GLB1: variants seen among roughly 807,000 people sequenced by gnomAD.
GLB1 encodes galactosidase beta 1, also known as beta-galactosidase.
A neutral mutation model predicts 74.0 loss-of-function variants in GLB1; 56 were observed. That is an observed-to-expected ratio of 0.76 (90% CI 0.61 to 0.94). The LOEUF (loss-of-function observed/expected upper bound fraction) is 0.94, where lower values mean the gene tolerates loss of function less well. Ranked by LOEUF, GLB1 falls within the 40% of genes least tolerant of loss-of-function variation. The pLI is 0.00. For missense variants in GLB1, 787 were observed against 845.5 expected (o/e 0.93, Z 0.86); for synonymous variants, 323 against 323.6 (o/e 1.00, Z 0.02).
At chr3:33,067,820 T>C (rs973730996) in intron 4 of GLB1, among the ~76,000 whole-genome samples, 4 of 152,212 alleles carry the variant, frequency 2.6e-5, no homozygotes, top group African/African-American at 9.6e-5. Context: ...TTCAAAAGTA[T>C]TTGTGCAGAG....
At chr3:33,074,377 G>GAAAGAAAAAGA (rs1559412898) in intron 1 of GLB1, among the ~76,000 whole-genome samples, 1 of 8,192 alleles carries the variant, frequency 1.2e-4, no homozygotes, top group African/African-American at 2.1e-4. Context: ...AGGAAGGAAG[G>GAAAGAAAAAGA]AAGGAAGGAA....
At chr3:33,034,826 C>T in intron 10 of GLB1, 1 of 586,076 alleles carries the variant, frequency 1.7e-6, no homozygotes, top group Non-Finnish European at 3.4e-6. Flanking sequence ...CAGGCAGAGC[C>T]TCCCACCTGC....
At position 33,052,462 on chromosome 3, in the gene GLB1, T is replaced by A. The variant is rs895417168; in HGVS notation, c.793-458A>T. ...TCCTGGCCAACATGGTGAAACCCCA[T>A]CTCAACTAAAAATACAAACATTAGC... On this transcript the variant is annotated intron_variant, in intron 7 of 15. Transcript: ENST00000307363. 5.3e-5 allele frequency among the ~76,000 whole-genome samples: 8 copies of A among 152,068 alleles called. No homozygotes were observed. The South Asian group carries it at 1.7e-3, about 31-fold the overall frequency.
At chr3:33,096,612 CAACTGGGAAAGCGAGGGCGCCCCA>C (rs1267721712) in intron 1 of GLB1, 1 of 1,061,502 alleles carries the variant, frequency 9.4e-7, no homozygotes, top group African/African-American at 1.7e-5. Flanking sequence ...CGCAGAGCAC[CAACTGGGAAAGCGAGGGCGCCCCA>C]AACCAGAGCC....
intron 15 of GLB1, among the ~76,000 whole-genome samples, chr3:32,998,839 A>AC (rs1696428121): frequency 6.6e-6 from 1 of 152,076 alleles, no homozygotes; most frequent in South Asian, 2.1e-4. Context: ...TCTGCTGCTC[A>AC]CCCCAGGGCT....
chr3:33,080,887 G>T (rs1700298152), intron 1 of GLB1, among the ~76,000 whole-genome samples: 1 of 152,210 alleles, frequency 6.6e-6, no homozygotes, highest in African/African-American at 2.4e-5. Context: ...TCTGCACCTT[G>T]TTGTCTCATG....
At chr3:33,029,175 A>C (rs2125487362) in intron 10 of GLB1, among the ~76,000 whole-genome samples, 1 of 152,376 alleles carries the variant, frequency 6.6e-6, no homozygotes. Context: ...TCAGAAAAGA[A>C]ATGAACAAAT....
the GLB1 span, among the ~76,000 whole-genome samples, chr3:32,977,960 A>G: frequency 1.3e-5 from 2 of 152,114 alleles, no homozygotes; most frequent in African/African-American, 4.8e-5. Context: ...GGATATTTAC[A>G]CGCCCTTAAC....
chr3:32,979,229 G>A, the GLB1 span, among the ~76,000 whole-genome samples: 2 of 152,094 alleles, frequency 1.3e-5, no homozygotes, highest in East Asian at 3.9e-4. Flanking sequence ...ACCTGCTCCG[G>A]TCTCCCAAAG....
At chr3:32,970,836 G>A in the GLB1 span, among the ~76,000 whole-genome samples, 1 of 152,140 alleles carries the variant, frequency 6.6e-6, no homozygotes, top group East Asian at 1.9e-4. Context: ...CTTACCCTAA[G>A]CTCTTACCCT....
chr3:33,091,401 A>G (rs989787546), intron 1 of GLB1: 2 of 985,524 alleles, frequency 2.0e-6, no homozygotes, highest in Non-Finnish European at 2.4e-6. Context: ...AACCCCTAGC[A>G]GTTGCTGCTT....
rs1699930015 is a variant in GLB1, at chr3:33,072,718, A to G, written c.76-5T>C. The G allele has an allele frequency of 1.9e-6, 3 of 1,614,146 alleles. No homozygotes were observed. The highest frequency in any genetic ancestry group is 2.5e-6 in the Non-Finnish European group (3 of 1,180,024). On this transcript the variant is annotated splice_polypyrimidine_tract_variant and splice_region_variant and intron_variant, in intron 1 of 15. Coordinates refer to ENST00000307363, the MANE Select transcript of GLB1 (RefSeq NM_000404.4). The stretch of plus-strand genomic sequence containing the variant: ...AAACATCCTCTGGGTGGCATTCTAC[A>G]GAGCAAGGATGGGGTCACATGAGAA...
the GLB1 span, among the ~76,000 whole-genome samples, chr3:32,975,407 A>G: frequency 1.3e-5 from 2 of 152,104 alleles, no homozygotes; most frequent in Middle Eastern, 6.8e-3. Context: ...TTTTTTATCC[A>G]TATGTCAATG....
At chr3:32,979,079 C>A in the GLB1 span, among the ~76,000 whole-genome samples, 4 of 151,290 alleles carry the variant, frequency 2.6e-5, no homozygotes, top group Admixed American at 6.6e-5. Context: ...TGGGTTCAAG[C>A]GATTCACCTG....
intron 15 of GLB1, among the ~76,000 whole-genome samples, chr3:33,004,672 G>T (rs1352215640): frequency 1.3e-5 from 2 of 152,186 alleles, no homozygotes; most frequent in Admixed American, 6.5e-5. Context: ...CCAGCACATG[G>T]TAAGCTCTCA....
chr3:33,091,402 G>C, intron 1 of GLB1: 1 of 985,528 alleles, frequency 1.0e-6, no homozygotes, highest in Non-Finnish European at 1.2e-6. Context: ...ACCCCTAGCA[G>C]TTGCTGCTTT....
chr3:33,004,211 T>C (rs895315606), intron 15 of GLB1, among the ~76,000 whole-genome samples: 1 of 152,214 alleles, frequency 6.6e-6, no homozygotes, highest in South Asian at 2.1e-4. Context: ...GCTAGTCATG[T>C]GAACAAGCCT....
At chr3:33,069,041 C>A (rs1352581373) in intron 2 of GLB1, 71 bp from the exon 3 acceptor site, 1 of 1,612,154 alleles carries the variant, frequency 6.2e-7, no homozygotes, top group East Asian at 2.2e-5. Flanking sequence ...GGGGAAAGGG[C>A]CTCATTAGGA....
chr3:32,990,650 G>A, the GLB1 span, among the ~76,000 whole-genome samples: 4 of 152,120 alleles, frequency 2.6e-5, no homozygotes, highest in African/African-American at 9.7e-5. Flanking sequence ...AGGTCAGGTG[G>A]TCCACGACAG....
Sources: allele counts gnomAD v4.1 joint callset (sites outside exome capture counted in the v4.1 genomes callset), GRCh38; gene constraint gnomAD v4.1.1; transcripts MANE v1.5; gene names NCBI Gene and HGNC (gene_info 2026-07-23, HGNC 2026-07-21).